Variants in NFATC2 observed in about 807,000 individuals in gnomAD.
NFATC2 encodes the protein nuclear factor of activated T cells 2.
In NFATC2, 22 loss-of-function variants were observed where a neutral mutation model predicts 87.3. That is an observed-to-expected ratio of 0.25 (90% confidence interval 0.18 to 0.36). The LOEUF is 0.36. NFATC2 is among the 10% of genes least tolerant of loss of function. The pLI is 1.00. For missense variants in NFATC2, 1,149 were observed against 1,259.1 expected (o/e 0.91, Z 1.32); for synonymous variants, 565 against 542.2 (o/e 1.04, Z -0.58).
intron 5 of NFATC2, among the ~76,000 whole-genome samples, chr20:51,457,701 G>A (rs1037277457): frequency 1.2e-4 from 19 of 152,014 alleles, no homozygotes; most frequent in Admixed American, 1.0e-3. Flanking sequence ...GGCATCACTG[G>A]AGAGCTTGTC....
intron 9 of NFATC2, among the ~76,000 whole-genome samples, chr20:51,403,740 AC>A (rs1988289014): frequency 6.6e-6 from 1 of 152,170 alleles, no homozygotes; most frequent in Non-Finnish European, 1.5e-5. Context: ...GCAAGCCAGG[AC>A]CTAAGCAGGT....
intron 9 of NFATC2, among the ~76,000 whole-genome samples, chr20:51,405,191 CCAA>C (rs1161094599): frequency 5.9e-5 from 9 of 152,160 alleles, no homozygotes; most frequent in Non-Finnish European, 1.2e-4. Flanking sequence ...GACATGCCCC[CCAA>C]ATTAGCTTCC....
At chr20:51,449,554 G>A (rs1460332956) in intron 6 of NFATC2, among the ~76,000 whole-genome samples, 1 of 152,200 alleles carries the variant, frequency 6.6e-6, no homozygotes, top group Non-Finnish European at 1.5e-5. Context: ...CGGTGCAGTG[G>A]TTAATTCAAG....
At chr20:51,469,910 C>CTGTTT (rs1988041046) in intron 5 of NFATC2, among the ~76,000 whole-genome samples, 2 of 152,206 alleles carry the variant, frequency 1.3e-5, no homozygotes, top group Non-Finnish European at 2.9e-5. Context: ...TTGTTTCAAG[C>CTGTTT]CACCTGGTTT....
chr20:51,550,009 T>G (rs753635724), intron 1 of NFATC2, among the ~76,000 whole-genome samples: 10 of 152,202 alleles, frequency 6.6e-5, no homozygotes, highest in Non-Finnish European at 7.3e-5. Context: ...GTGGGTGATA[T>G]CCCAATATAC....
At chr20:51,418,873 A>G (rs1485056361) in intron 9 of NFATC2, among the ~76,000 whole-genome samples, 1 of 151,690 alleles carries the variant, frequency 6.6e-6, no homozygotes, top group African/African-American at 2.4e-5. Context: ...ATGTTGGGCC[A>G]GACTGGTCTT....
chr20:51,456,748 T>C (rs1221895981), intron 5 of NFATC2, among the ~76,000 whole-genome samples: 1 of 152,212 alleles, frequency 6.6e-6, no homozygotes, highest in Non-Finnish European at 1.5e-5. Flanking sequence ...TCCGCGAGCC[T>C]GGGCAGCAAC....
At chr20:51,479,984 A>G (rs1989093205) in intron 3 of NFATC2, among the ~76,000 whole-genome samples, 1 of 152,142 alleles carries the variant, frequency 6.6e-6, no homozygotes, top group South Asian at 2.1e-4. Flanking sequence ...CTAAGGTGCA[A>G]CATCAAGAAT....
intron 1 of NFATC2, among the ~76,000 whole-genome samples, chr20:51,556,853 G>A (rs781054815): frequency 3.9e-5 from 6 of 152,302 alleles, no homozygotes; most frequent in East Asian, 1.9e-4. Context: ...AAGGAGCCCC[G>A]GATAGGTCCA....
In NFATC2 at chr20:51,474,001, C is replaced by G. The variant is rs1409271709; in HGVS notation, c.1687G>C (p.Ala563Pro). 4.3e-6 allele frequency: 7 copies of G among 1,614,230 alleles called. No homozygotes were observed. Among genetic ancestry groups the G allele is most frequent in the Non-Finnish European group, 3.4e-6 (4 of 1,180,018 alleles). ...SSGRIVSLQT[A>P]SNPIECSQRS... is the part of the protein sequence containing the mutation. ...TTACAGCACTCGATGGGGTTAGATGCAGTCTGTAAAGAGACGATTCTGCCA... is the reference window on the plus strand; with the variant it reads ...TTACAGCACTCGATGGGGTTAGATGGAGTCTGTAAAGAGACGATTCTGCCA... Residue 563 changes from alanine (A) to proline (P), a missense_variant, in exon 5 of 11, where the codon GCA becomes CCA. Transcript: ENST00000371564.
At chr20:51,395,080 G>A (rs116468823) in intron 10 of NFATC2, among the ~76,000 whole-genome samples, 582 of 152,332 alleles carry the variant, frequency 3.8e-3, no homozygotes, top group African/African-American at 0.014. Flanking sequence ...ATGGGTTGCT[G>A]ATCTGTTACT....
At chr20:51,445,595 C>T (rs1037013580) in intron 6 of NFATC2, among the ~76,000 whole-genome samples, 14 of 152,188 alleles carry the variant, frequency 9.2e-5, no homozygotes, top group African/African-American at 1.4e-4. Flanking sequence ...AATTTGACTG[C>T]GCATCCTATA....
chr20:51,425,593 T>C (rs1423625348), intron 9 of NFATC2, among the ~76,000 whole-genome samples: 1 of 152,216 alleles, frequency 6.6e-6, no homozygotes, highest in Non-Finnish European at 1.5e-5. Context: ...AGGCTCCGCG[T>C]GGGCTTTGCA....
intron 1 of NFATC2, among the ~76,000 whole-genome samples, chr20:51,532,282 G>A (rs1449110793): frequency 6.6e-6 from 1 of 152,064 alleles, no homozygotes; most frequent in Non-Finnish European, 1.5e-5. Flanking sequence ...CTTCTAAGTA[G>A]CAGAGCCAAG....
At chr20:51,444,876 C>T (rs1285806865) in intron 6 of NFATC2, among the ~76,000 whole-genome samples, 1 of 152,046 alleles carries the variant, frequency 6.6e-6, no homozygotes, top group East Asian at 1.9e-4. Context: ...TTCAGCCGCC[C>T]GACAGGGTAA....
At chr20:51,490,735 AT>A (rs1198019534) in intron 3 of NFATC2, among the ~76,000 whole-genome samples, 3 of 152,186 alleles carry the variant, frequency 2.0e-5, no homozygotes, top group Non-Finnish European at 4.4e-5. Context: ...CAGGAAGGTT[AT>A]TTGAGCCCGG....
At chr20:51,499,241 C>A (rs1009823463) in intron 3 of NFATC2, among the ~76,000 whole-genome samples, 3 of 152,242 alleles carry the variant, frequency 2.0e-5, no homozygotes, top group African/African-American at 4.8e-5. Flanking sequence ...CAAGTGGAGG[C>A]AGGGAAACCA....
At chr20:51,512,934 A>G (rs577245395) in intron 3 of NFATC2, among the ~76,000 whole-genome samples, 1 of 152,352 alleles carries the variant, frequency 6.6e-6, no homozygotes, top group South Asian at 2.1e-4. Flanking sequence ...GCAGTGCTGC[A>G]GATTCCAGAA....
rs1239390834 is a variant in NFATC2, at chr20:51,389,739, C to T, written c.*1757G>A. 1 of 152,156 alleles carries T rather than the reference C, an allele frequency of 6.6e-6. No individual in the cohort carries two copies. Among genetic ancestry groups the T allele is most frequent in the Non-Finnish European group, 1.5e-5 (1 of 68,036 alleles). The allele number at this position is 152,156 out of a possible 1,614,324, so 9.4% of individuals were successfully genotyped here. On this transcript the variant is annotated 3_prime_UTR_variant, in exon 11 of 11. Coordinates refer to ENST00000371564, the MANE Select transcript of NFATC2 (RefSeq NM_012340.5). ...TGCCTTCTATCTGGAGTGCCAAACA[C>T]ACCTGGCCCCACTCCCAGGAAGCTT...
Sources: gnomAD v4.1 joint callset for allele counts (sites outside exome capture counted in the v4.1 genomes callset) on GRCh38, gnomAD v4.1.1 for gene constraint, MANE v1.5 for transcripts, NCBI Gene and HGNC (gene_info 2026-07-23, HGNC 2026-07-21) for gene names.